Variants in CYYR1 observed in about 807,000 individuals in gnomAD.
CYYR1 encodes the protein cysteine and tyrosine rich 1.
A neutral mutation model predicts 15.2 loss-of-function variants in CYYR1; 14 were observed. That is an observed-to-expected ratio of 0.92 (90% confidence interval 0.61 to 1.44). CYYR1 has a LOEUF of 1.44. Among genes scored for constraint, CYYR1 ranks in the 40% most tolerant of loss-of-function variants. The pLI is 0.00. For missense variants in CYYR1, 228 were observed against 209.5 expected, an observed-to-expected ratio of 1.09 and a Z score of -0.54; for synonymous variants, 80 against 77.4, an observed-to-expected ratio of 1.03 and a Z score of -0.18.
intron 3 of CYYR1, among the ~76,000 whole-genome samples, chr21:26,475,773 G>A (rs2065094826): frequency 6.6e-6 from 1 of 152,116 alleles, no homozygotes; most frequent in African/African-American, 2.4e-5. Context: ...GGTTTTCTCA[G>A]TTCATGTTTG....
intron 2 of CYYR1, among the ~76,000 whole-genome samples, chr21:26,562,590 G>A (rs1183620287): frequency 2.0e-5 from 3 of 151,932 alleles, no homozygotes; most frequent in African/African-American, 4.8e-5. Context: ...TTCCTTTCTT[G>A]TATCTTTGAC....
chr21:26,566,233 G>T, intron 2 of CYYR1, 33 bp downstream of exon 2: 1 of 1,455,486 alleles, frequency 6.9e-7, no homozygotes, highest in Non-Finnish European at 9.6e-7. Context: ...AAGAGGAAGA[G>T]CATCAGTATT....
At chr21:26,484,555 T>C (rs942999088) in intron 2 of CYYR1, among the ~76,000 whole-genome samples, 2 of 152,034 alleles carry the variant, frequency 1.3e-5, no homozygotes, top group East Asian at 1.9e-4. Context: ...AAAAGATCTA[T>C]GAAAGGAGAT....
intron 2 of CYYR1, among the ~76,000 whole-genome samples, chr21:26,535,972 A>G (rs1978297279): frequency 6.6e-6 from 1 of 152,188 alleles, no homozygotes; most frequent in Non-Finnish European, 1.5e-5. Context: ...TAGTTTATAA[A>G]GAAAAGAAGT....
intron 2 of CYYR1, among the ~76,000 whole-genome samples, chr21:26,548,896 A>AT (rs1459987247): frequency 6.6e-6 from 1 of 152,224 alleles, no homozygotes; most frequent in African/African-American, 2.4e-5. Context: ...TTTTCACTGA[A>AT]TAGACATAAT....
In CYYR1 at chr21:26,468,141, C is replaced by T. The variant is rs1228925314; in HGVS notation, c.*360G>A. 3.4e-6 allele frequency: 1 copy of T among 296,274 alleles called. No homozygotes were observed. The highest frequency in any genetic ancestry group is 6.6e-6 in the Non-Finnish European group (1 of 152,374). The allele number at this position is 296,274 out of a possible 1,614,324, so 18.4% of individuals were successfully genotyped here. ...TCCTTGTGTGGGCCAAATCATTCTCCCATCCTACTTAGATCTTCTTTTTTT... is the reference window on the plus strand; with the variant it reads ...TCCTTGTGTGGGCCAAATCATTCTCTCATCCTACTTAGATCTTCTTTTTTT... On this transcript the variant is annotated 3_prime_UTR_variant, in exon 4 of 4. Transcript: ENST00000652641.
chr21:26,545,375 C>T (rs1219107773), intron 2 of CYYR1, among the ~76,000 whole-genome samples: 4 of 152,010 alleles, frequency 2.6e-5, no homozygotes, highest in African/African-American at 9.7e-5. Context: ...GTGTTCATCC[C>T]TGACCATCCA....
At chr21:26,488,001 T>C (rs1185941009) in intron 2 of CYYR1, among the ~76,000 whole-genome samples, 1 of 151,198 alleles carries the variant, frequency 6.6e-6, no homozygotes, top group Non-Finnish European at 1.5e-5. Flanking sequence ...TTCTGGTGAC[T>C]CCCCTTAATA....
chr21:26,555,619 CTT>C (rs1016125388), intron 2 of CYYR1, among the ~76,000 whole-genome samples: 16 of 152,212 alleles, frequency 1.1e-4, no homozygotes, highest in African/African-American at 2.9e-4. Flanking sequence ...TAAAAATTCT[CTT>C]TGTTTCTGAG....
At chr21:26,547,416 C>A (rs1430549944) in intron 2 of CYYR1, among the ~76,000 whole-genome samples, 1 of 152,174 alleles carries the variant, frequency 6.6e-6, no homozygotes, top group African/African-American at 2.4e-5. Flanking sequence ...TTGTCACAAA[C>A]CATGGTCTGT....
At chr21:26,517,106 C>T (rs866088916) in intron 2 of CYYR1, among the ~76,000 whole-genome samples, 2 of 97,788 alleles carry the variant, frequency 2.0e-5, no homozygotes, top group Admixed American at 3.0e-4. Flanking sequence ...CAGAGCGAGA[C>T]TCCGTCTCAA....
At chr21:26,519,576 G>A (rs904665997) in intron 2 of CYYR1, among the ~76,000 whole-genome samples, 1 of 152,216 alleles carries the variant, frequency 6.6e-6, no homozygotes, top group Non-Finnish European at 1.5e-5. Flanking sequence ...TAAGACTTTG[G>A]CTCTTACTCT....
intron 3 of CYYR1, among the ~76,000 whole-genome samples, chr21:26,474,533 CCTT>C (rs2065078201): frequency 6.6e-6 from 1 of 151,084 alleles, no homozygotes; most frequent in Admixed American, 6.6e-5. Flanking sequence ...ACTTTCTACT[CCTT>C]CTTGTTATCA....
At chr21:26,497,649 C>G (rs992179987) in intron 2 of CYYR1, among the ~76,000 whole-genome samples, 2 of 152,166 alleles carry the variant, frequency 1.3e-5, no homozygotes, top group African/African-American at 4.8e-5. Flanking sequence ...AGTTATTAAA[C>G]TACCATGGAC....
At chr21:26,521,317 C>T (rs139144154) in intron 2 of CYYR1, among the ~76,000 whole-genome samples, 5 of 152,286 alleles carry the variant, frequency 3.3e-5, no homozygotes, top group African/African-American at 1.2e-4. Flanking sequence ...CATCAAATAA[C>T]CCATCATGCT....
chr21:26,523,541 T>G (rs147894619), intron 2 of CYYR1, among the ~76,000 whole-genome samples: 1 of 152,200 alleles, frequency 6.6e-6, no homozygotes, highest in Non-Finnish European at 1.5e-5. Context: ...ATCTGACCTA[T>G]GTCAACTTCT....
At chr21:26,555,607 A>T (rs1979717883) in intron 2 of CYYR1, among the ~76,000 whole-genome samples, 1 of 152,152 alleles carries the variant, frequency 6.6e-6, no homozygotes, top group African/African-American at 2.4e-5. Context: ...GAATATTGAA[A>T]TTAAAAATTC....
intron 2 of CYYR1, among the ~76,000 whole-genome samples, chr21:26,518,318 G>C (rs935136834): frequency 1.3e-5 from 2 of 152,206 alleles, no homozygotes; most frequent in African/African-American, 4.8e-5. Flanking sequence ...GCAATGTAAT[G>C]GTATTGGGAG....
intron 2 of CYYR1, among the ~76,000 whole-genome samples, chr21:26,545,035 C>A (rs1399827390): frequency 6.6e-6 from 1 of 152,110 alleles, no homozygotes; most frequent in Non-Finnish European, 1.5e-5. Flanking sequence ...ACTCCCAAAT[C>A]ATTTCAGAGT....
Sources: gnomAD v4.1 joint callset for allele counts (sites outside exome capture counted in the v4.1 genomes callset) on GRCh38, gnomAD v4.1.1 for gene constraint, MANE v1.5 for transcripts, NCBI Gene and HGNC (gene_info 2026-07-23, HGNC 2026-07-21) for gene names.